ADARB2: variants seen among roughly 807,000 people sequenced by gnomAD.
The protein encoded by ADARB2 is inactive double-stranded RNA-specific editase B2.
A neutral mutation model predicts 62.2 loss-of-function variants in ADARB2; 25 were observed. The ratio of observed to expected loss-of-function variants is 0.40; its 90% CI spans 0.29 to 0.56. The LOEUF (loss-of-function observed/expected upper bound fraction) is 0.56. Ranked by LOEUF, ADARB2 falls within the 20% of genes least tolerant of loss-of-function variation. ADARB2 has a pLI of 0.43. For missense variants in ADARB2, 1,071 were observed against 1,077.4 expected, an observed-to-expected ratio of 0.99 and a Z score of 0.08; for synonymous variants, 572 against 500.8, an observed-to-expected ratio of 1.14 and a Z score of -1.90.
intron 1 of ADARB2, among the ~76,000 whole-genome samples, chr10:1,401,348 C>G (rs1414374064): frequency 6.6e-6 from 1 of 152,192 alleles, no homozygotes; most frequent in Non-Finnish European, 1.5e-5. Context: ...TTTGGAACAC[C>G]CCGGCCTTCG....
chr10:1,698,811 A>T (rs181245302), intron 1 of ADARB2, among the ~76,000 whole-genome samples: 1 of 152,328 alleles, frequency 6.6e-6, no homozygotes, highest in East Asian at 1.9e-4. Context: ...TCAGGCTGGA[A>T]TGCAATGGCA....
intron 1 of ADARB2, among the ~76,000 whole-genome samples, chr10:1,567,089 C>T (rs1004126360): frequency 3.3e-5 from 5 of 152,058 alleles, no homozygotes; most frequent in Non-Finnish European, 1.5e-5. Flanking sequence ...GAGCGAAGGA[C>T]GAACAGTAGG....
Position 1,269,363 on chromosome 10 carries a change from T to C in ADARB2, c.1192+1592A>G, listed in dbSNP as rs999046041. The stretch of plus-strand genomic sequence containing the variant: ...GAGCCACAAGGGTAGGCATTTGGTC[T>C]CTTGTTCTGCTGATTCCCCAGAACT... On this transcript the variant is annotated intron_variant, in intron 4 of 9. Transcript: ENST00000381312. Among the ~76,000 whole-genome samples, 7 of 152,250 alleles carry C rather than the reference T, an allele frequency of 4.6e-5. No homozygotes were observed. In the South Asian group the frequency reaches 6.2e-4, roughly 13 times the overall value.
chr10:1,546,135 TC>T (rs941391392), intron 1 of ADARB2, among the ~76,000 whole-genome samples: 3 of 151,998 alleles, frequency 2.0e-5, no homozygotes, highest in African/African-American at 7.2e-5. Flanking sequence ...GACTGATGGC[TC>T]CCCCTAACTC....
intron 1 of ADARB2, among the ~76,000 whole-genome samples, chr10:1,572,002 T>TACAA: frequency 7.3e-6 from 1 of 136,924 alleles, no homozygotes; most frequent in Non-Finnish European, 1.5e-5. Context: ...CAGGTGAGTG[T>TACAA]GCTGCTGAGT....
chr10:1,283,422 A>G (rs1831386657), intron 3 of ADARB2, among the ~76,000 whole-genome samples: 1 of 152,206 alleles, frequency 6.6e-6, no homozygotes, highest in African/African-American at 2.4e-5. Context: ...CAATCCTGTG[A>G]ATTAATGGTA....
intron 8 of ADARB2, chr10:1,187,874 G>A: frequency 2.3e-6 from 1 of 426,390 alleles, no homozygotes; most frequent in Non-Finnish European, 4.9e-6. Context: ...GTGTCCATAT[G>A]TGCACAGGGA....
intron 1 of ADARB2, among the ~76,000 whole-genome samples, chr10:1,691,901 G>A (rs879808083): frequency 4.7e-4 from 59 of 125,220 alleles, no homozygotes; most frequent in African/African-American, 1.3e-3. Flanking sequence ...ATTACTAAAT[G>A]TGTGTGTGTG....
chr10:1,436,078 A>G (rs1035967772), intron 1 of ADARB2, among the ~76,000 whole-genome samples: 1 of 152,100 alleles, frequency 6.6e-6, no homozygotes, highest in African/African-American at 2.4e-5. Flanking sequence ...CTTTTGTAAT[A>G]TAACTTCATT....
At chr10:1,594,983 A>G (rs1300072892) in intron 1 of ADARB2, among the ~76,000 whole-genome samples, 1 of 152,090 alleles carries the variant, frequency 6.6e-6, no homozygotes, top group African/African-American at 2.4e-5. Context: ...GTGCTGCAGG[A>G]TCTGAGGAAG....
chr10:1,183,218 T>A lies in ADARB2; in HGVS notation c.2195A>T (p.Gln732Leu), dbSNP rs1393153138. The change falls in exon 10 of 10, where the codon CAG becomes CTG. Residue 732 changes from glutamine to leucine, a missense_variant. By Grantham distance (113) the Gln-to-Leu change is moderately radical. Transcript: ENST00000381312. ...CTAGAGAGTCAGTAGAAACTGCTGC[T>A]GCTCCGGTGGTTTCCTCACCCAGGT... ...LGTWVRKPPE[Q>L]QQFLLTL is the part of the protein sequence containing the mutation. The A allele has an allele frequency of 6.2e-7, 1 of 1,613,640 alleles. No individual in the cohort carries two copies. The highest frequency in any genetic ancestry group is 1.7e-5 in the Admixed American group (1 of 60,026).
chr10:1,448,694 T>C (rs1308498155), intron 1 of ADARB2, among the ~76,000 whole-genome samples: 3 of 152,148 alleles, frequency 2.0e-5, no homozygotes, highest in Non-Finnish European at 4.4e-5. Flanking sequence ...ACATGTAAGT[T>C]TCCCTCAGTC....
intron 1 of ADARB2, among the ~76,000 whole-genome samples, chr10:1,521,785 C>T (rs1356387797): frequency 1.3e-5 from 2 of 150,960 alleles, no homozygotes; most frequent in East Asian, 2.0e-4. Flanking sequence ...ATCCACCCCC[C>T]ACTACCCCCA....
At chr10:1,537,134 C>T (rs1333188664) in intron 1 of ADARB2, among the ~76,000 whole-genome samples, 4 of 152,118 alleles carry the variant, frequency 2.6e-5, no homozygotes, top group South Asian at 2.1e-4. Flanking sequence ...CAAACAACCC[C>T]GTCAAAAAGT....
intron 3 of ADARB2, among the ~76,000 whole-genome samples, chr10:1,304,459 A>T (rs929768975): frequency 4.6e-5 from 7 of 152,188 alleles, no homozygotes; most frequent in African/African-American, 1.7e-4. Context: ...AACATTAGAC[A>T]GATCAAGGAG....
chr10:1,669,221 G>C (rs760273383), intron 1 of ADARB2, among the ~76,000 whole-genome samples: 28 of 152,168 alleles, frequency 1.8e-4, no homozygotes, highest in Non-Finnish European at 2.9e-4. Context: ...GCTCCACGAA[G>C]AGCTGTGCAG....
chr10:1,458,063 G>A (rs1021231328), intron 1 of ADARB2, among the ~76,000 whole-genome samples: 4 of 151,970 alleles, frequency 2.6e-5, no homozygotes, highest in East Asian at 1.9e-4. Context: ...TAGAAAAGTC[G>A]CAGGTGATGG....
At chr10:1,219,261 A>G (rs892344110) in intron 6 of ADARB2, among the ~76,000 whole-genome samples, 2 of 152,184 alleles carry the variant, frequency 1.3e-5, no homozygotes, top group South Asian at 4.2e-4. Flanking sequence ...GTGTTTCTCT[A>G]GAGCAATGTG....
rs376389963 is a variant in ADARB2, at chr10:1,452,567, TCTCA to T, written c.101-73411_101-73408del. Among the ~76,000 whole-genome samples, 251 of 146,884 alleles carry T rather than the reference TCTCA, an allele frequency of 1.7e-3. 1 individual carries two copies. Among genetic ancestry groups the T allele is most frequent in the African/African-American group, 6.0e-3 (241 of 39,942 alleles). On this transcript the variant is annotated intron_variant, in intron 1 of 9. Transcript: ENST00000381312. ...GAACAGAAAACCAAACACTGCATGT[TCTCA>T]CTCGTAAGTGGGAGCTGAACAATGA...
Sources: allele counts gnomAD v4.1 joint callset (sites outside exome capture counted in the v4.1 genomes callset), GRCh38; gene constraint gnomAD v4.1.1; transcripts MANE v1.5; gene names NCBI Gene and HGNC (gene_info 2026-07-23, HGNC 2026-07-21).